PTPDC1: variants seen among roughly 807,000 people sequenced by gnomAD.
PTPDC1 encodes protein tyrosine phosphatase domain containing 1.
A neutral mutation model predicts 75.3 loss-of-function variants in PTPDC1; 53 were observed. The ratio of observed to expected loss-of-function variants is 0.70; its 90% CI spans 0.56 to 0.88. PTPDC1 has a LOEUF of 0.88. PTPDC1 is among the 40% of genes least tolerant of loss of function. The pLI is 0.00. For missense variants in PTPDC1, 925 were observed against 998.6 expected, an observed-to-expected ratio of 0.93 and a Z score of 0.99; for synonymous variants, 349 against 366.2, an observed-to-expected ratio of 0.95 and a Z score of 0.54.
intron 5 of PTPDC1, 151 bp from the exon 6 acceptor site, chr9:94,097,170 C>A (rs560442866): frequency 1.7e-5 from 11 of 635,334 alleles, no homozygotes; most frequent in African/African-American, 1.7e-4. Context: ...CAAAAAGTCA[C>A]AAAGTTATCA....
At position 94,108,949 on chromosome 9, in the gene PTPDC1, G is replaced by C. The variant is rs1466522485; in HGVS notation, c.*1005G>C. On this transcript the variant is annotated 3_prime_UTR_variant, in exon 9 of 9. Coordinates refer to ENST00000620992, the MANE Select transcript of PTPDC1 (RefSeq NM_001253829.2). ...CACTGTTTGTACTGATGGTGTATTA[G>C]CATGAGCAGCGTGGCCCTGGCCCCA... 6.6e-6 allele frequency: 1 copy of C among 152,306 alleles called. No individual in the cohort carries two copies. The highest frequency in any genetic ancestry group is 6.5e-5 in the Admixed American group (1 of 15,282). The allele number at this position is 152,306 out of a possible 1,614,324, so 9.4% of individuals were successfully genotyped here.
intron 1 of PTPDC1, among the ~76,000 whole-genome samples, chr9:94,035,697 G>A (rs1268673339): frequency 6.6e-6 from 1 of 152,208 alleles, no homozygotes; most frequent in African/African-American, 2.4e-5. Context: ...ATACCCAGAA[G>A]TGGGACTGCC....
At chr9:94,095,659 A>T (rs551302649) in intron 5 of PTPDC1, among the ~76,000 whole-genome samples, 1 of 152,210 alleles carries the variant, frequency 6.6e-6, no homozygotes, top group Admixed American at 6.5e-5. Context: ...TAGAAGGAGG[A>T]TATTGAATGT....
intron 1 of PTPDC1, among the ~76,000 whole-genome samples, chr9:94,055,176 T>C (rs1825895811): frequency 1.3e-5 from 2 of 152,210 alleles, no homozygotes; most frequent in Non-Finnish European, 2.9e-5. Context: ...CAGCACAAAC[T>C]CTGGAGCTGA....
Position 94,044,949 on chromosome 9 carries a change from C to T in PTPDC1, c.-7+13822C>T, listed in dbSNP as rs556888574. Reference sequence around the variant, plus strand: ...TGTTGGTGTGCTGCACCCATTAACTCGTCATTTAGCATTAGGTATATCTAC... The same window carrying T: ...TGTTGGTGTGCTGCACCCATTAACTTGTCATTTAGCATTAGGTATATCTAC... On this transcript the variant is annotated intron_variant, in intron 1 of 9. Transcript: ENST00000375360. 4.7e-5 allele frequency among the ~76,000 whole-genome samples: 7 copies of T among 148,714 alleles called. No individual in the cohort carries two copies. The South Asian group carries it at 6.5e-4, about 14-fold the overall frequency.
exon 2 of PTPDC1, chr9:94,064,786 T>C: frequency 6.2e-7 from 1 of 1,613,616 alleles, no homozygotes; most frequent in Non-Finnish European, 8.5e-7. Flanking sequence ...TATTCTACCT[T>C]GGTGAATAAC....
intron 1 of PTPDC1, among the ~76,000 whole-genome samples, chr9:94,056,510 G>A (rs946602478): frequency 8.5e-5 from 13 of 152,178 alleles, no homozygotes; most frequent in South Asian, 2.1e-4. Flanking sequence ...AGCACCCTGC[G>A]TAATCCTGGT....
intron 8 of PTPDC1, among the ~76,000 whole-genome samples, chr9:94,107,464 CA>C (rs1363371850): frequency 6.6e-6 from 1 of 152,192 alleles, no homozygotes. Flanking sequence ...GGCCTCTCAG[CA>C]GGACGTATAC....
At chr9:94,079,607 C>G (rs1037142457), upstream of PTPDC1, among the ~76,000 whole-genome samples, 2 of 152,198 alleles carry the variant, frequency 1.3e-5, no homozygotes, top group African/African-American at 4.8e-5. Flanking sequence ...TGAGGTTACT[C>G]TTATTAATAA....
intron 2 of PTPDC1, 136 bp downstream of exon 2, chr9:94,085,558 C>A: frequency 1.1e-6 from 1 of 873,676 alleles, no homozygotes; most frequent in Admixed American, 2.9e-5. Context: ...TCAGTTCTGG[C>A]TTTGCCTTAG....
intron 1 of PTPDC1, among the ~76,000 whole-genome samples, chr9:94,048,623 A>C (rs1018161129): frequency 2.0e-4 from 31 of 152,100 alleles, no homozygotes; most frequent in Non-Finnish European, 2.2e-4. Context: ...CTTTACTTCC[A>C]ACTATATGGT....
intron 1 of PTPDC1, among the ~76,000 whole-genome samples, chr9:94,063,895 A>G (rs556050086): frequency 6.6e-6 from 1 of 152,346 alleles, no homozygotes; most frequent in Non-Finnish European, 1.5e-5. Context: ...CCAATAATAG[A>G]TGTTCAAACC....
At chr9:94,077,896 A>C (rs1429421268) in intron 2 of PTPDC1, among the ~76,000 whole-genome samples, 1 of 152,188 alleles carries the variant, frequency 6.6e-6, no homozygotes, top group East Asian at 1.9e-4. Context: ...AACATACAAA[A>C]AGATATCACC....
chr9:94,041,110 C>T (rs921305456), intron 1 of PTPDC1, among the ~76,000 whole-genome samples: 2 of 152,146 alleles, frequency 1.3e-5, no homozygotes, highest in Non-Finnish European at 1.5e-5. Flanking sequence ...TTCTATCATG[C>T]CTCCAACATA....
At chr9:94,106,614 G>A (rs1418363980) in intron 8 of PTPDC1, among the ~76,000 whole-genome samples, 1 of 152,180 alleles carries the variant, frequency 6.6e-6, no homozygotes, top group Non-Finnish European at 1.5e-5. Flanking sequence ...TCTTCTACCA[G>A]TATCCATAAC....
intron 1 of PTPDC1, among the ~76,000 whole-genome samples, chr9:94,033,142 T>A (rs879750809): frequency 8.5e-5 from 13 of 152,306 alleles, no homozygotes; most frequent in Middle Eastern, 3.4e-3. Context: ...ATTACAGCTA[T>A]GAGCCACCGT....
At chr9:94,100,419 T>A (rs1827796342) in intron 6 of PTPDC1, 1 of 152,222 alleles carries the variant, frequency 6.6e-6, no homozygotes, top group Admixed American at 6.5e-5. Context: ...TTATACATGA[T>A]CTATGGGATA....
At chr9:94,050,531 A>G (rs1305727048) in intron 1 of PTPDC1, among the ~76,000 whole-genome samples, 1 of 152,178 alleles carries the variant, frequency 6.6e-6, no homozygotes, top group Non-Finnish European at 1.5e-5. Flanking sequence ...GAACAGCGAT[A>G]TTGCTGAACA....
chr9:94,075,754 G>A (rs1379290723), intron 2 of PTPDC1, among the ~76,000 whole-genome samples: 2 of 152,218 alleles, frequency 1.3e-5, no homozygotes, highest in Non-Finnish European at 2.9e-5. Context: ...GACAGAAACA[G>A]AAGTCTGCCT....
Sources: gnomAD v4.1 joint callset for allele counts (sites outside exome capture counted in the v4.1 genomes callset) on GRCh38, gnomAD v4.1.1 for gene constraint, MANE v1.5 for transcripts, NCBI Gene and HGNC (gene_info 2026-07-23, HGNC 2026-07-21) for gene names.